CREB5: variants seen among roughly 807,000 people sequenced by gnomAD.
The protein encoded by CREB5 is cyclic AMP-responsive element-binding protein 5.
In CREB5, 19 loss-of-function variants were observed where a neutral mutation model predicts 57.1. That is an observed-to-expected ratio of 0.33 (90% confidence interval 0.23 to 0.49). CREB5 has a LOEUF of 0.49. CREB5 is among the 20% of genes least tolerant of loss of function. CREB5 has a pLI of 0.99. For synonymous variants in CREB5, 238 were observed against 238.3 expected (o/e 1.00, Z 0.01); for missense variants, 579 against 671.6 (o/e 0.86, Z 1.52).
chr7:28,566,840 GC>G (rs897792286), intron 4 of CREB5, among the ~76,000 whole-genome samples: 5 of 152,144 alleles, frequency 3.3e-5, no homozygotes, highest in African/African-American at 1.2e-4. Flanking sequence ...TCTTTCAGGA[GC>G]TTTTTCCATT....
chr7:28,639,285 A>G (rs928265516), intron 5 of CREB5, among the ~76,000 whole-genome samples: 37 of 152,192 alleles, frequency 2.4e-4, no homozygotes, highest in Admixed American at 2.6e-4. Context: ...AAAACAGAAC[A>G]CAACAAAACA....
At chr7:28,300,104 A>G (rs1785075441) in intron 1 of CREB5, among the ~76,000 whole-genome samples, 1 of 141,074 alleles carries the variant, frequency 7.1e-6, no homozygotes, top group African/African-American at 2.6e-5. Flanking sequence ...ATTTATTACT[A>G]CCTTAGGTGT....
At chr7:28,754,984 A>T (rs773252914) in intron 7 of CREB5, among the ~76,000 whole-genome samples, 6 of 152,230 alleles carry the variant, frequency 3.9e-5, no homozygotes, top group Non-Finnish European at 8.8e-5. Flanking sequence ...AAGTAAAAAG[A>T]TAGCACTCTC....
intron 3 of CREB5, among the ~76,000 whole-genome samples, chr7:28,496,552 AG>A (rs1456731526): frequency 6.6e-6 from 1 of 152,102 alleles, no homozygotes; most frequent in African/African-American, 2.4e-5. Context: ...CACAGGGAAA[AG>A]ATGAGGGCCC....
intron 1 of CREB5, among the ~76,000 whole-genome samples, chr7:28,377,055 C>T (rs1333525715): frequency 2.0e-5 from 3 of 152,216 alleles, no homozygotes; most frequent in Non-Finnish European, 2.9e-5. Flanking sequence ...GACTCATGAT[C>T]TCCCAGTCTG....
chr7:28,357,182 T>G (rs1185241599), intron 1 of CREB5, among the ~76,000 whole-genome samples: 1 of 152,202 alleles, frequency 6.6e-6, no homozygotes, highest in African/African-American at 2.4e-5. Flanking sequence ...AAGGCTGTGT[T>G]GCTGGCTTCT....
intron 3 of CREB5, among the ~76,000 whole-genome samples, chr7:28,496,796 T>C (rs1481090486): frequency 1.4e-5 from 1 of 69,796 alleles, no homozygotes; most frequent in Non-Finnish European, 3.0e-5. Flanking sequence ...CTGTTTGTTA[T>C]TGTTTTTTTT....
chr7:28,337,157 A>G (rs1785839793), intron 1 of CREB5, among the ~76,000 whole-genome samples: 1 of 152,116 alleles, frequency 6.6e-6, no homozygotes, highest in African/African-American at 2.4e-5. Flanking sequence ...GAGGAGAATA[A>G]TGTGTATACT....
At chr7:28,410,377 G>A (rs1332700262), upstream of CREB5, 1 of 456,610 alleles carries the variant, frequency 2.2e-6, no homozygotes, top group Non-Finnish European at 4.4e-6. Context: ...CCCAAGACCT[G>A]GCGGCGGAGT....
At chr7:28,390,251 T>C (rs1022480208) in intron 1 of CREB5, among the ~76,000 whole-genome samples, 2 of 152,198 alleles carry the variant, frequency 1.3e-5, no homozygotes, top group African/African-American at 4.8e-5. Context: ...GGAGATAAGT[T>C]AATTAATTGC....
At chr7:28,777,769 G>C (rs1188456823) in intron 7 of CREB5, among the ~76,000 whole-genome samples, 20 of 151,910 alleles carry the variant, frequency 1.3e-4, no homozygotes. Flanking sequence ...TAAAATTATA[G>C]TATTTATTTT....
chr7:28,494,212 T>G (rs1194635472), intron 2 of CREB5, among the ~76,000 whole-genome samples: 1 of 152,330 alleles, frequency 6.6e-6, no homozygotes, highest in East Asian at 1.9e-4. Context: ...CACTTTCATG[T>G]TTTGCACATG....
At chr7:28,751,491 G>A (rs752053424) in intron 7 of CREB5, among the ~76,000 whole-genome samples, 3 of 152,198 alleles carry the variant, frequency 2.0e-5, no homozygotes, top group Admixed American at 6.5e-5. Flanking sequence ...GTTGCTTGTG[G>A]TTTGCAAATA....
At chr7:28,789,395 C>T (rs181025867) in intron 7 of CREB5, among the ~76,000 whole-genome samples, 3 of 152,286 alleles carry the variant, frequency 2.0e-5, no homozygotes, top group Admixed American at 6.5e-5. Context: ...ACTAGTGCTG[C>T]ACCGTATCTT....
chr7:28,307,082 A>C (rs2127980389), intron 1 of CREB5, among the ~76,000 whole-genome samples: 1 of 152,264 alleles, frequency 6.6e-6, no homozygotes, highest in East Asian at 1.9e-4. Flanking sequence ...GTTTCATGAA[A>C]TGTTCACTCT....
chr7:28,808,104 C>T (rs1374335305), intron 8 of CREB5, among the ~76,000 whole-genome samples: 2 of 152,142 alleles, frequency 1.3e-5, no homozygotes, highest in Non-Finnish European at 2.9e-5. Flanking sequence ...CACTATCTCA[C>T]ACACACACAG....
chr7:28,476,982 G>A (rs529268473), intron 1 of CREB5, among the ~76,000 whole-genome samples: 1 of 152,246 alleles, frequency 6.6e-6, no homozygotes, highest in African/African-American at 2.4e-5. Context: ...GAGAATCATT[G>A]CCCAGAGGGC....
At chr7:28,535,622 AGAGG>A (rs1171304148) in intron 4 of CREB5, among the ~76,000 whole-genome samples, 1 of 151,992 alleles carries the variant, frequency 6.6e-6, no homozygotes, top group East Asian at 1.9e-4. Context: ...TAGGAGAGAA[AGAGG>A]GAGGAAGGAA....
intron 5 of CREB5, among the ~76,000 whole-genome samples, chr7:28,611,595 A>T (rs1167689410): frequency 6.6e-6 from 1 of 150,714 alleles, no homozygotes; most frequent in Non-Finnish European, 1.5e-5. Context: ...GAATCGCTTG[A>T]ACACAGGAGG....
Sources: gnomAD v4.1 joint callset for allele counts (sites outside exome capture counted in the v4.1 genomes callset) on GRCh38, gnomAD v4.1.1 for gene constraint, MANE v1.5 for transcripts, NCBI Gene and HGNC (gene_info 2026-07-23, HGNC 2026-07-21) for gene names.